The following ZNG1B variants were observed in gnomAD, a reference collection of about 807,000 sequenced individuals.
ZNG1B encodes zinc-regulated GTPase metalloprotein activator 1B.
the ZNG1B span, among the ~76,000 whole-genome samples, chr2:113,441,888 C>T: frequency 2.6e-5 from 4 of 152,042 alleles, no homozygotes; most frequent in Admixed American, 6.5e-5. Flanking sequence ...TACAGGCGTG[C>T]GCCACCATGC....
At chr2:113,478,374 C>T in the ZNG1B span, among the ~76,000 whole-genome samples, 1 of 152,074 alleles carries the variant, frequency 6.6e-6, no homozygotes, top group Non-Finnish European at 1.5e-5. Flanking sequence ...CTCCTGGGCT[C>T]AAGTGATCCT....
chr2:113,460,395 T>A, the ZNG1B span, among the ~76,000 whole-genome samples: 1 of 152,320 alleles, frequency 6.6e-6, no homozygotes, highest in Admixed American at 6.5e-5. Flanking sequence ...TCAAAGGGGT[T>A]TTCCTTTTAA....
chr2:113,471,724 T>A, the ZNG1B span, among the ~76,000 whole-genome samples: 1 of 149,174 alleles, frequency 6.7e-6, no homozygotes, highest in Admixed American at 6.8e-5. Context: ...TGAGTGAGAA[T>A]ATGCGGTGTT....
the ZNG1B span, among the ~76,000 whole-genome samples, chr2:113,461,515 C>A: frequency 6.6e-6 from 1 of 152,092 alleles, no homozygotes; most frequent in African/African-American, 2.4e-5. Flanking sequence ...TTTCAGTGAA[C>A]TAAAGTGAAT....
At chr2:113,492,064 A>G in the ZNG1B span, among the ~76,000 whole-genome samples, 2 of 137,576 alleles carry the variant, frequency 1.5e-5, 1 homozygote. Context: ...TACAACCACT[A>G]TGGAAAACAG....
At chr2:113,446,617 C>T in the ZNG1B span, among the ~76,000 whole-genome samples, 13 of 149,038 alleles carry the variant, frequency 8.7e-5, no homozygotes, top group Non-Finnish European at 1.9e-4. Context: ...CGTTGTGGCG[C>T]ACCCCATAAT....
chr2:113,443,534 A>G, the ZNG1B span, among the ~76,000 whole-genome samples: 1 of 146,310 alleles, frequency 6.8e-6, no homozygotes, highest in African/African-American at 2.6e-5. Flanking sequence ...GGAAGTAGGT[A>G]TGTTTATCAG....
the ZNG1B span, chr2:113,471,055 G>T: frequency 6.3e-7 from 1 of 1,586,254 alleles, no homozygotes; most frequent in Non-Finnish European, 8.5e-7. Flanking sequence ...TAATGTATTA[G>T]ATCTTCATGC....
chr2:113,441,294 T>G, the ZNG1B span: 1 of 1,133,318 alleles, frequency 8.8e-7, no homozygotes, highest in African/African-American at 1.6e-5. Context: ...TTTATATGTT[T>G]TTTGTATCTT....
the ZNG1B span, among the ~76,000 whole-genome samples, chr2:113,463,287 C>T: frequency 1.3e-5 from 2 of 152,176 alleles, no homozygotes; most frequent in South Asian, 2.1e-4. Flanking sequence ...GAGAGACATT[C>T]GGTAGCTATT....
At chr2:113,446,823 C>T in the ZNG1B span, among the ~76,000 whole-genome samples, 2 of 151,830 alleles carry the variant, frequency 1.3e-5, no homozygotes, top group South Asian at 4.2e-4. Flanking sequence ...CATACACACA[C>T]ACACAAGTAG....
chr2:113,457,000 T>A, the ZNG1B span: 2 of 454,416 alleles, frequency 4.4e-6, no homozygotes, highest in Non-Finnish European at 8.8e-6. Flanking sequence ...GTAATTGATA[T>A]CATGGGGTAT....
chr2:113,476,212 C>A, the ZNG1B span, among the ~76,000 whole-genome samples: 1 of 152,094 alleles, frequency 6.6e-6, no homozygotes, highest in African/African-American at 2.4e-5. Context: ...TTTCTCTAAA[C>A]TTCCCTTCTT....
the ZNG1B span, among the ~76,000 whole-genome samples, chr2:113,476,277 C>T: frequency 1.3e-4 from 20 of 151,974 alleles, no homozygotes; most frequent in Admixed American, 3.9e-4. Flanking sequence ...TCCAGTTGAT[C>T]GCATCGGCTC....
the ZNG1B span, among the ~76,000 whole-genome samples, chr2:113,472,128 C>T: frequency 6.7e-6 from 1 of 149,644 alleles, no homozygotes; most frequent in Non-Finnish European, 1.5e-5. Flanking sequence ...TATTTCTCCA[C>T]ATCCTCTCCA....
the ZNG1B span, among the ~76,000 whole-genome samples, chr2:113,440,083 A>G: frequency 6.7e-6 from 1 of 149,780 alleles, no homozygotes; most frequent in Non-Finnish European, 1.5e-5. Context: ...ACGGGGTTTC[A>G]CCGTTTTAGC....
At chr2:113,449,256 G>A in the ZNG1B span, among the ~76,000 whole-genome samples, 2 of 152,056 alleles carry the variant, frequency 1.3e-5, no homozygotes, top group African/African-American at 4.8e-5. Flanking sequence ...ATTATCATTT[G>A]TGTGTTTACT....
chr2:113,445,818 T>G, the ZNG1B span, among the ~76,000 whole-genome samples: 1 of 149,132 alleles, frequency 6.7e-6, no homozygotes, highest in Non-Finnish European at 1.5e-5. Context: ...TTTTTTGATC[T>G]GGGTCTCTGG....
At chr2:113,483,977 A>G in the ZNG1B span, among the ~76,000 whole-genome samples, 1 of 150,772 alleles carries the variant, frequency 6.6e-6, no homozygotes. Flanking sequence ...CCAAAGGGCT[A>G]TGGGATTCAG....
Sources: gnomAD v4.1 joint callset for allele counts (sites outside exome capture counted in the v4.1 genomes callset) on GRCh38, gnomAD v4.1.1 for gene constraint, MANE v1.5 for transcripts, NCBI Gene and HGNC (gene_info 2026-07-23, HGNC 2026-07-21) for gene names.